Variants in SUCLG2 observed in about 807,000 individuals in gnomAD.
SUCLG2 encodes succinate-CoA ligase GDP-forming subunit beta, also known as succinate--CoA ligase [GDP-forming] subunit beta, mitochondrial.
A neutral mutation model predicts 47.9 loss-of-function variants in SUCLG2; 42 were observed. That is an observed-to-expected ratio of 0.88 (90% CI 0.69 to 1.14). The LOEUF (loss-of-function observed/expected upper bound fraction) is 1.14. SUCLG2 is among the 50% of genes most tolerant of loss of function. The probability of loss-of-function intolerance (pLI) is 0.00; values close to 1 mark genes in which losing one functional copy is unlikely to be tolerated. For missense variants in SUCLG2, 571 were observed against 525.9 expected (o/e 1.09, Z -0.84); for synonymous variants, 195 against 197.3 (o/e 0.99, Z 0.10).
At chr3:67,513,762 T>C (rs572711865) in intron 6 of SUCLG2, among the ~76,000 whole-genome samples, 1 of 152,260 alleles carries the variant, frequency 6.6e-6, no homozygotes, top group African/African-American at 2.4e-5. Context: ...TCTGCACTTT[T>C]GCCATCAATT....
chr3:67,490,969 T>C (rs928861342), intron 9 of SUCLG2, among the ~76,000 whole-genome samples: 6 of 152,150 alleles, frequency 3.9e-5, no homozygotes, highest in Non-Finnish European at 8.8e-5. Context: ...GAGTATACAG[T>C]ACATGATTCC....
chr3:67,506,219 T>G (rs1249692002), intron 7 of SUCLG2, among the ~76,000 whole-genome samples: 1 of 152,198 alleles, frequency 6.6e-6, no homozygotes, highest in African/African-American at 2.4e-5. Flanking sequence ...AAATAAAAGA[T>G]AGCTTGAGGG....
chr3:67,625,011 C>A (rs1318520239), intron 1 of SUCLG2, among the ~76,000 whole-genome samples: 1 of 152,164 alleles, frequency 6.6e-6, no homozygotes, highest in African/African-American at 2.4e-5. Context: ...ACATACTATA[C>A]CCTCTTAAAA....
chr3:67,372,160 T>C (rs904608613), downstream of SUCLG2, among the ~76,000 whole-genome samples: 1 of 152,168 alleles, frequency 6.6e-6, no homozygotes, highest in Admixed American at 6.6e-5. Context: ...ATGTGATGGA[T>C]GACTATATGT....
intron 9 of SUCLG2, among the ~76,000 whole-genome samples, chr3:67,482,874 T>C (rs1704953192): frequency 6.6e-6 from 1 of 152,212 alleles, no homozygotes; most frequent in African/African-American, 2.4e-5. Flanking sequence ...TCTTCAGGCC[T>C]TTCAGTATTA....
intron 2 of SUCLG2, among the ~76,000 whole-genome samples, chr3:67,577,125 A>C (rs1303111854): frequency 1.3e-5 from 2 of 152,158 alleles, no homozygotes; most frequent in African/African-American, 4.8e-5. Context: ...ACTGGCCAAC[A>C]TGGCAAAATC....
chr3:67,609,688 A>G, intron 1 of SUCLG2, 92 bp from the exon 2 acceptor site: 2 of 1,222,622 alleles, frequency 1.6e-6, no homozygotes, highest in South Asian at 3.5e-5. Flanking sequence ...GGTACTGTTG[A>G]CTGGCAATCT....
intron 9 of SUCLG2, among the ~76,000 whole-genome samples, chr3:67,446,880 A>C (rs1016765478): frequency 6.6e-6 from 1 of 152,206 alleles, no homozygotes; most frequent in Non-Finnish European, 1.5e-5. Context: ...ACATATTAAA[A>C]AAAGATTATC....
intron 10 of SUCLG2, among the ~76,000 whole-genome samples, chr3:67,384,047 A>T (rs1293696988): frequency 2.6e-5 from 4 of 152,176 alleles, no homozygotes; most frequent in African/African-American, 9.7e-5. Flanking sequence ...ACAGTGTGAG[A>T]CTTTTGTCGA....
chr3:67,386,255 A>AT (rs57016463), intron 10 of SUCLG2, among the ~76,000 whole-genome samples: 32,634 of 143,284 alleles, frequency 0.23, 4,031 homozygotes, highest in African/African-American at 0.34. Flanking sequence ...CGCCCGGCTA[A>AT]TTTTTTTTTT....
chr3:67,578,179 T>C (rs1707790222), intron 2 of SUCLG2, among the ~76,000 whole-genome samples: 2 of 149,202 alleles, frequency 1.3e-5, no homozygotes, highest in Non-Finnish European at 3.0e-5. Context: ...CTCAATAATA[T>C]AAGGAACACA....
chr3:67,560,014 G>A (rs991762856), intron 2 of SUCLG2, among the ~76,000 whole-genome samples: 1 of 152,032 alleles, frequency 6.6e-6, no homozygotes, highest in Admixed American at 6.6e-5. Context: ...TCTCAATTTT[G>A]TTATGAACCT....
At chr3:67,402,618 A>G (rs1214177622) in intron 9 of SUCLG2, among the ~76,000 whole-genome samples, 17 of 152,216 alleles carry the variant, frequency 1.1e-4, no homozygotes, top group Admixed American at 1.1e-3. Context: ...TGCCAGAACA[A>G]TAGAAGAAAA....
rs1239803231 is a variant in SUCLG2, at chr3:67,375,195, CAT to C, written c.*547_*548del. ...TTGGAATACTCACGGATTTTTCAAA[CAT>C]ATGTTAGAATTAGAAACCTGTAAAA... On this transcript the variant is annotated 3_prime_UTR_variant, in exon 11 of 11. Transcript: ENST00000307227. The C allele has an allele frequency of 1.3e-5, 13 of 985,636 alleles. No individual in the cohort carries two copies. Among genetic ancestry groups the C allele is most frequent in the Admixed American group, 6.2e-5 (1 of 16,250 alleles). 61.1% of individuals were successfully genotyped at this position (985,636 alleles called of 1,614,324 possible).
At chr3:67,405,080 G>C (rs1471099983) in intron 9 of SUCLG2, among the ~76,000 whole-genome samples, 1 of 151,252 alleles carries the variant, frequency 6.6e-6, no homozygotes, top group South Asian at 2.1e-4. Context: ...TCTAATTCTC[G>C]GGTGAGAATT....
At chr3:67,641,968 C>T (rs1307387473) in intron 1 of SUCLG2, among the ~76,000 whole-genome samples, 1 of 152,132 alleles carries the variant, frequency 6.6e-6, no homozygotes, top group Admixed American at 6.5e-5. Context: ...GGCGTGTGTG[C>T]CCGAGTATAA....
At chr3:67,456,026 T>C (rs1444962205) in intron 9 of SUCLG2, among the ~76,000 whole-genome samples, 1 of 151,954 alleles carries the variant, frequency 6.6e-6, no homozygotes, top group African/African-American at 2.4e-5. Flanking sequence ...TTGATCAGTA[T>C]AAGGCAGAGA....
intron 2 of SUCLG2, among the ~76,000 whole-genome samples, chr3:67,608,936 C>A (rs999090133): frequency 6.6e-6 from 1 of 152,118 alleles, no homozygotes; most frequent in Non-Finnish European, 1.5e-5. Context: ...CTCAGCCTCT[C>A]AAAGTACTGA....
chr3:67,543,961 C>T (rs113890052), intron 2 of SUCLG2, among the ~76,000 whole-genome samples: 14 of 152,266 alleles, frequency 9.2e-5, no homozygotes, highest in African/African-American at 2.9e-4. Context: ...ATCTTAAGGA[C>T]ACATGGCTGA....
Sources: gnomAD v4.1 joint callset for allele counts (sites outside exome capture counted in the v4.1 genomes callset) on GRCh38, gnomAD v4.1.1 for gene constraint, MANE v1.5 for transcripts, NCBI Gene and HGNC (gene_info 2026-07-23, HGNC 2026-07-21) for gene names.